The following SCHIP1 variants were observed in gnomAD, a reference collection of about 807,000 sequenced individuals.
SCHIP1 encodes the protein schwannomin-interacting protein 1.
Under a neutral mutation model 29.7 loss-of-function variants are expected in SCHIP1, and 8 were observed. The observed-to-expected ratio is 0.27, with a 90% CI of 0.16 to 0.49. The LOEUF (loss-of-function observed/expected upper bound fraction) is 0.49, where lower values mean the gene tolerates loss of function less well. Ranked by LOEUF, SCHIP1 falls within the 20% of genes least tolerant of loss-of-function variation. SCHIP1 has a pLI of 0.99. For missense variants in SCHIP1, 193 were observed against 294.6 expected, an observed-to-expected ratio of 0.66 and a Z score of 2.52; for synonymous variants, 76 against 94.9, an observed-to-expected ratio of 0.80 and a Z score of 1.16.
chr3:159,411,926 G>C, the SCHIP1 span, among the ~76,000 whole-genome samples: 38 of 152,264 alleles, frequency 2.5e-4, no homozygotes, highest in African/African-American at 8.7e-4. Context: ...GCCTAGACTT[G>C]AAAGAGAAGA....
At chr3:159,300,656 G>A in the SCHIP1 span, among the ~76,000 whole-genome samples, 1 of 152,184 alleles carries the variant, frequency 6.6e-6, no homozygotes, top group Non-Finnish European at 1.5e-5. Context: ...ACAATGGCCT[G>A]TTTTCATCTT....
chr3:159,497,495 C>T, the SCHIP1 span, among the ~76,000 whole-genome samples: 22 of 151,972 alleles, frequency 1.4e-4, no homozygotes, highest in Non-Finnish European at 3.1e-4. Flanking sequence ...ATTATTATCA[C>T]ATTACAAGGG....
chr3:159,732,137 C>A, the SCHIP1 span, among the ~76,000 whole-genome samples: 521 of 152,340 alleles, frequency 3.4e-3, 5 homozygotes, highest in African/African-American at 0.012. Context: ...TGAGCCACCA[C>A]GCCTGGCCCC....
the SCHIP1 span, among the ~76,000 whole-genome samples, chr3:159,537,479 C>A: frequency 6.6e-6 from 1 of 152,128 alleles, no homozygotes; most frequent in African/African-American, 2.4e-5. Flanking sequence ...ATGTTTGTCT[C>A]CCTCCAGTCT....
At chr3:159,633,473 A>C in the SCHIP1 span, among the ~76,000 whole-genome samples, 30 of 152,232 alleles carry the variant, frequency 2.0e-4, no homozygotes, top group Non-Finnish European at 4.1e-4. Flanking sequence ...GAAATTGCAG[A>C]ACATTGGGAG....
chr3:159,667,698 A>C, the SCHIP1 span, among the ~76,000 whole-genome samples: 4 of 152,228 alleles, frequency 2.6e-5, no homozygotes, highest in Non-Finnish European at 5.9e-5. Flanking sequence ...AATGTCTTTT[A>C]TGGGGCCTGA....
the SCHIP1 span, among the ~76,000 whole-genome samples, chr3:159,518,311 G>T: frequency 6.6e-6 from 1 of 152,026 alleles, no homozygotes; most frequent in Non-Finnish European, 1.5e-5. Flanking sequence ...AGGAAGAATG[G>T]GGTTTGGGGA....
At chr3:159,366,027 G>A in the SCHIP1 span, among the ~76,000 whole-genome samples, 2 of 152,194 alleles carry the variant, frequency 1.3e-5, no homozygotes, top group African/African-American at 4.8e-5. Flanking sequence ...TTATAAAGGA[G>A]AGAAGTTTAA....
chr3:159,791,704 C>T, the SCHIP1 span, among the ~76,000 whole-genome samples: 2 of 152,208 alleles, frequency 1.3e-5, no homozygotes, highest in Admixed American at 1.3e-4. Flanking sequence ...AAGCCCGTGG[C>T]TTCCTTTGCT....
At chr3:159,282,126 CAT>C in the SCHIP1 span, among the ~76,000 whole-genome samples, 1 of 151,870 alleles carries the variant, frequency 6.6e-6, no homozygotes, top group East Asian at 1.9e-4. Context: ...ATTGAGTGTT[CAT>C]ATATTTTCAT....
chr3:159,771,912 C>T, the SCHIP1 span, among the ~76,000 whole-genome samples: 1 of 152,180 alleles, frequency 6.6e-6, no homozygotes, highest in South Asian at 2.1e-4. Context: ...TTCAAGACAT[C>T]CTCAGGAAAA....
chr3:159,498,938 C>G, the SCHIP1 span, among the ~76,000 whole-genome samples: 5 of 152,148 alleles, frequency 3.3e-5, no homozygotes, highest in African/African-American at 1.2e-4. Flanking sequence ...ATTATACATT[C>G]TTTCAGTCAA....
the SCHIP1 span, among the ~76,000 whole-genome samples, chr3:159,700,345 G>A: frequency 6.6e-6 from 1 of 152,164 alleles, no homozygotes; most frequent in Admixed American, 6.5e-5. Flanking sequence ...CAAATTAATG[G>A]CATGAAATAA....
At chr3:159,816,044 G>A in the SCHIP1 span, among the ~76,000 whole-genome samples, 1 of 151,816 alleles carries the variant, frequency 6.6e-6, no homozygotes, top group Non-Finnish European at 1.5e-5. Flanking sequence ...TGCCTCCCAG[G>A]TTCAAGCGAG....
chr3:159,420,255 A>G, the SCHIP1 span, among the ~76,000 whole-genome samples: 1 of 152,228 alleles, frequency 6.6e-6, no homozygotes, highest in Non-Finnish European at 1.5e-5. Flanking sequence ...ATTCAGAGAC[A>G]GCCTCGCAAA....
the SCHIP1 span, among the ~76,000 whole-genome samples, chr3:159,447,119 C>T: frequency 6.6e-6 from 1 of 152,130 alleles, no homozygotes; most frequent in African/African-American, 2.4e-5. Context: ...CACAAGAGAC[C>T]TTTTAAATGC....
chr3:159,624,517 T>G, the SCHIP1 span, among the ~76,000 whole-genome samples: 2 of 152,106 alleles, frequency 1.3e-5, no homozygotes, highest in African/African-American at 4.8e-5. Flanking sequence ...GGAGAAACCA[T>G]GCAGAGAACA....
chr3:159,550,440 C>G, the SCHIP1 span, among the ~76,000 whole-genome samples: 75 of 152,028 alleles, frequency 4.9e-4, no homozygotes, highest in African/African-American at 1.8e-3. Context: ...AAGAATAGTT[C>G]TTTTAATGGT....
chr3:159,644,365 T>C, the SCHIP1 span, among the ~76,000 whole-genome samples: 1 of 152,236 alleles, frequency 6.6e-6, no homozygotes, highest in East Asian at 1.9e-4. Context: ...GGTTTATCAC[T>C]GATCAGGAAC....
Sources: gnomAD v4.1 joint callset for allele counts (sites outside exome capture counted in the v4.1 genomes callset) on GRCh38, gnomAD v4.1.1 for gene constraint, MANE v1.5 for transcripts, NCBI Gene and HGNC (gene_info 2026-07-23, HGNC 2026-07-21) for gene names.